Variants in NAA15 observed in about 807,000 individuals in gnomAD.
The protein encoded by NAA15 is N-terminal acetyltransferase.
A neutral mutation model predicts 114.0 loss-of-function variants in NAA15; 34 were observed. That is an observed-to-expected ratio of 0.30 (90% CI 0.23 to 0.40). The LOEUF is 0.40. NAA15 is among the 10% of genes least tolerant of loss of function. NAA15 has a pLI of 1.00. For missense variants in NAA15, 658 were observed against 1,004.5 expected, an observed-to-expected ratio of 0.66 and a Z score of 4.66; for synonymous variants, 340 against 338.0, an observed-to-expected ratio of 1.01 and a Z score of -0.06.
chr4:139,341,593 CAAAAAAAAAAA>C (rs751688160), intron 4 of NAA15, among the ~76,000 whole-genome samples: 2 of 14,434 alleles, frequency 1.4e-4, no homozygotes, highest in Non-Finnish European at 1.3e-4. Context: ...AACTCTGTCT[CAAAAAAAAAAA>C]AAAAAAAAAA....
At chr4:139,376,620 A>G in intron 16 of NAA15, 147 bp downstream of exon 16, 1 of 635,024 alleles carries the variant, frequency 1.6e-6, no homozygotes, top group South Asian at 1.8e-5. Flanking sequence ...TATGAACAGA[A>G]TGTGTAGGGA....
chr4:139,349,567 A>C lies in NAA15; in HGVS notation c.797A>C (p.Lys266Thr). 1 of 1,608,730 alleles carries C rather than the reference A, an allele frequency of 6.2e-7. No homozygotes were observed. The highest frequency in any genetic ancestry group is 8.5e-7 in the Non-Finnish European group (1 of 1,178,674). The change falls in exon 7 of 20, where the codon AAA (lysine) becomes ACA (threonine). Residue 266 changes from lysine to threonine, a missense_variant. Coordinates refer to ENST00000296543, the MANE Select transcript of NAA15 (RefSeq NM_057175.5). ...TGGGCCTATTACAAAGGCTTGGAAA[A>C]AGCACTCAAGCCAGGTAGTATTGTT... Reference protein sequence around the residue: ...ENWAYYKGLEKALKPANMLER... With the variant: ...ENWAYYKGLETALKPANMLER...
intron 1 of NAA15, chr4:139,318,621 A>T (rs1417317615): frequency 6.6e-6 from 1 of 152,244 alleles, no homozygotes; most frequent in African/African-American, 2.4e-5. Context: ...TCGGAGGCTG[A>T]GGTGTGCTGA....
chr4:139,340,521 AATATAGTAACTGTTTAC>A (rs1747347830), intron 3 of NAA15, among the ~76,000 whole-genome samples: 1 of 152,138 alleles, frequency 6.6e-6, no homozygotes, highest in African/African-American at 2.4e-5. Context: ...TACTATTAAT[AATATAGTAACTGTTTAC>A]ATATATATAT....
At chr4:139,380,466 CT>C (rs2110998336) in intron 17 of NAA15, among the ~76,000 whole-genome samples, 1 of 152,100 alleles carries the variant, frequency 6.6e-6, no homozygotes, top group Non-Finnish European at 1.5e-5. Flanking sequence ...GAGTTAGATA[CT>C]TTCTTTTGAA....
intron 12 of NAA15, 129 bp from the exon 13 acceptor site, chr4:139,360,368 ATTC>A: frequency 1.6e-6 from 1 of 644,920 alleles, no homozygotes; most frequent in East Asian, 3.2e-5. Flanking sequence ...CATGTTAACT[ATTC>A]TTTAAGAATG....
At chr4:139,363,347 A>C (rs1340672742) in intron 14 of NAA15, among the ~76,000 whole-genome samples, 1 of 152,224 alleles carries the variant, frequency 6.6e-6, no homozygotes, top group Non-Finnish European at 1.5e-5. Context: ...TCATTCCAGC[A>C]ATTATCCCTG....
chr4:139,363,919 T>C (rs1387965456), intron 14 of NAA15, among the ~76,000 whole-genome samples: 1 of 152,268 alleles, frequency 6.6e-6, no homozygotes, highest in Non-Finnish European at 1.5e-5. Flanking sequence ...CTCATACTTT[T>C]GCCCAGTCTG....
intron 1 of NAA15, among the ~76,000 whole-genome samples, chr4:139,321,716 C>T (rs568344740): frequency 2.0e-3 from 302 of 150,694 alleles, no homozygotes; most frequent in Admixed American, 4.2e-3. Flanking sequence ...ATCTCCTGAC[C>T]TCATGATCTG....
intron 3 of NAA15, 69 bp from the exon 4 acceptor site, chr4:139,340,843 G>T: frequency 7.7e-7 from 1 of 1,301,750 alleles, no homozygotes; most frequent in South Asian, 2.1e-5. Flanking sequence ...GGTTCTCCAA[G>T]TTTTTTGGGA....
intron 2 of NAA15, among the ~76,000 whole-genome samples, chr4:139,335,478 A>G (rs1200170650): frequency 1.3e-5 from 2 of 150,298 alleles, no homozygotes. Context: ...CGACTCCCCT[A>G]CCTCAGCCTC....
intron 13 of NAA15, 26 bp downstream of exon 13, chr4:139,360,654 T>C (rs1158553661): frequency 6.4e-7 from 1 of 1,551,700 alleles, no homozygotes; most frequent in Non-Finnish European, 8.7e-7. Context: ...ATAAAAGTTT[T>C]CTTGTTTTAT....
At chr4:139,381,325 A>G (rs774414434) in intron 17 of NAA15, among the ~76,000 whole-genome samples, 11 of 152,116 alleles carry the variant, frequency 7.2e-5, no homozygotes, top group Non-Finnish European at 1.2e-4. Context: ...AGGTGCTTAT[A>G]TATTCTATTT....
At chr4:139,344,642 CAATT>C (rs1278118209) in intron 6 of NAA15, among the ~76,000 whole-genome samples, 3 of 151,972 alleles carry the variant, frequency 2.0e-5, no homozygotes, top group Admixed American at 6.6e-5. Flanking sequence ...ACACAAGAGA[CAATT>C]AGTTTTATAA....
At chr4:139,371,730 G>T (rs1022481405) in intron 15 of NAA15, among the ~76,000 whole-genome samples, 1 of 151,984 alleles carries the variant, frequency 6.6e-6, no homozygotes, top group Non-Finnish European at 1.5e-5. Context: ...GTCATTCAGG[G>T]CATAGAACTT....
At chr4:139,317,466 C>T (rs1331020638) in intron 1 of NAA15, among the ~76,000 whole-genome samples, 1 of 152,082 alleles carries the variant, frequency 6.6e-6, no homozygotes, top group East Asian at 1.9e-4. Flanking sequence ...ACTAAGAATA[C>T]AAAAATTAGC....
rs1432377375 is a variant in NAA15 at position 139,389,809 on chromosome 4, C to A, written c.*1725C>A. On this transcript the variant is annotated 3_prime_UTR_variant, in exon 20 of 20. Coordinates refer to ENST00000296543, the MANE Select transcript of NAA15 (RefSeq NM_057175.5). ...GATTGAACAGTTGTGCTACAATCAACTTTTCATAGTACATGACCTGCATTC... is the reference window on the plus strand; with the variant it reads ...GATTGAACAGTTGTGCTACAATCAAATTTTCATAGTACATGACCTGCATTC... The A allele has an allele frequency of 6.6e-6, 1 of 152,636 alleles. No homozygotes were observed. Among genetic ancestry groups the A allele is most frequent in the Non-Finnish European group, 1.5e-5 (1 of 68,042 alleles). 9.5% of individuals were successfully genotyped at this position (152,636 alleles called of 1,614,324 possible).
chr4:139,339,924 C>A (rs1432193312), intron 3 of NAA15, among the ~76,000 whole-genome samples: 1 of 152,176 alleles, frequency 6.6e-6, no homozygotes, highest in Non-Finnish European at 1.5e-5. Context: ...TCCTTGATAG[C>A]AGTTTTTACA....
chr4:139,357,314 AG>A, intron 10 of NAA15, 71 bp from the exon 11 acceptor site: 4 of 1,311,464 alleles, frequency 3.1e-6, no homozygotes, highest in Non-Finnish European at 4.4e-6. Flanking sequence ...TAATAAACAT[AG>A]GGACCATTTT....
Sources: allele counts gnomAD v4.1 joint callset (sites outside exome capture counted in the v4.1 genomes callset), GRCh38; gene constraint gnomAD v4.1.1; transcripts MANE v1.5; gene names NCBI Gene and HGNC (gene_info 2026-07-23, HGNC 2026-07-21).